Variants in GKAP1 observed in about 807,000 individuals in gnomAD.
GKAP1 encodes G kinase anchoring protein 1.
In GKAP1, 31 loss-of-function variants were observed where a neutral mutation model predicts 56.7. The ratio of observed to expected loss-of-function variants is 0.55; its 90% CI spans 0.41 to 0.74. The LOEUF is 0.74. GKAP1 is among the 30% of genes least tolerant of loss of function. GKAP1 has a pLI of 0.00. For synonymous variants in GKAP1, 151 were observed against 138.6 expected, an observed-to-expected ratio of 1.09 and a Z score of -0.63; for missense variants, 364 against 402.3, an observed-to-expected ratio of 0.90 and a Z score of 0.82.
At chr9:83,759,747 T>G (rs990251761) in intron 8 of GKAP1, among the ~76,000 whole-genome samples, 3 of 152,196 alleles carry the variant, frequency 2.0e-5, no homozygotes, top group Non-Finnish European at 1.5e-5. Flanking sequence ...ACATTCCCAC[T>G]AGTGGTATGT....
intron 8 of GKAP1, among the ~76,000 whole-genome samples, chr9:83,767,820 G>A (rs1943689694): frequency 6.6e-6 from 1 of 152,096 alleles, no homozygotes; most frequent in African/African-American, 2.4e-5. Flanking sequence ...CCACGTAGCT[G>A]AGATTATAGG....
At chr9:83,773,251 C>T (rs1260608821) in intron 7 of GKAP1, among the ~76,000 whole-genome samples, 1 of 152,146 alleles carries the variant, frequency 6.6e-6, no homozygotes, top group Non-Finnish European at 1.5e-5. Context: ...AAACATTATG[C>T]TAAGTGAAAG....
At chr9:83,757,939 G>A (rs1298747818) in intron 8 of GKAP1, among the ~76,000 whole-genome samples, 1 of 152,048 alleles carries the variant, frequency 6.6e-6, no homozygotes, top group African/African-American at 2.4e-5. Context: ...GGTATGGAGA[G>A]GAAGATGATG....
At position 83,806,564 on chromosome 9, in the gene GKAP1, TG is replaced by T. The variant is rs758239382; in HGVS notation, c.-43-5del. Reference sequence around the variant, plus strand: ...ATACTTCTGTCAAGAATAATTTCTGTGGGGAGGCAGAAGAGTAGGCAGATGG... The same window carrying T: ...ATACTTCTGTCAAGAATAATTTCTGTGGGAGGCAGAAGAGTAGGCAGATGG... On this transcript the variant is annotated splice_region_variant and splice_polypyrimidine_tract_variant and intron_variant, in intron 2 of 12. Coordinates refer to ENST00000376371, the MANE Select transcript of GKAP1 (RefSeq NM_025211.4). 6.5e-6 allele frequency: 10 copies of T among 1,541,646 alleles called. No homozygotes were observed. The East Asian group carries it at 6.9e-5, about 11-fold the overall frequency.
chr9:83,772,285 T>G (rs1336546178), intron 7 of GKAP1, among the ~76,000 whole-genome samples: 1 of 152,184 alleles, frequency 6.6e-6, no homozygotes, highest in Non-Finnish European at 1.5e-5. Flanking sequence ...AGAATCTAGA[T>G]ATGAGCCTTC....
chr9:83,739,824 A>C, intron 12 of GKAP1, 80 bp from the exon 13 acceptor site: 1 of 1,133,196 alleles, frequency 8.8e-7, no homozygotes, highest in Non-Finnish European at 1.3e-6. Context: ...ATATAGACCA[A>C]AGGCATCTTG....
chr9:83,782,831 C>CCTA (rs1254975084), intron 6 of GKAP1, among the ~76,000 whole-genome samples: 1 of 150,044 alleles, frequency 6.7e-6, no homozygotes, highest in East Asian at 2.0e-4. Context: ...CACACGCCCA[C>CCTA]CTACTCTTTG....
At chr9:83,793,032 T>C (rs1446512901) in intron 4 of GKAP1, 3 of 1,267,404 alleles carry the variant, frequency 2.4e-6, no homozygotes, top group Admixed American at 2.4e-5. Context: ...TAGTAAAACA[T>C]TTTTTCTTCT....
chr9:83,797,271 A>G (rs942619353), intron 4 of GKAP1, among the ~76,000 whole-genome samples: 2 of 152,304 alleles, frequency 1.3e-5, no homozygotes, highest in East Asian at 3.9e-4. Context: ...TAAGTTTTCC[A>G]TGTCCAGCTT....
intron 9 of GKAP1, among the ~76,000 whole-genome samples, chr9:83,750,828 T>C (rs1311727111): frequency 1.3e-5 from 2 of 152,256 alleles, no homozygotes; most frequent in South Asian, 2.1e-4. Context: ...TTTAATGCCC[T>C]CTCTATTTTA....
At chr9:83,743,967 G>T (rs1355979699) in intron 10 of GKAP1, among the ~76,000 whole-genome samples, 2 of 152,120 alleles carry the variant, frequency 1.3e-5, no homozygotes, top group Non-Finnish European at 2.9e-5. Context: ...AGGTAAAATT[G>T]TAATAAAATT....
At chr9:83,790,659 A>T (rs1002664722) in intron 4 of GKAP1, among the ~76,000 whole-genome samples, 1 of 151,994 alleles carries the variant, frequency 6.6e-6, no homozygotes. Flanking sequence ...CAAACAAACA[A>T]AAAAACAGCC....
chr9:83,776,767 C>G (rs1366845813), intron 7 of GKAP1, among the ~76,000 whole-genome samples: 1 of 152,074 alleles, frequency 6.6e-6, no homozygotes, highest in Non-Finnish European at 1.5e-5. Context: ...ATTTTTTTAG[C>G]GTATTTTTCT....
rs535271690 is a variant in GKAP1 at position 83,789,661 on chromosome 9, A to G, written c.361-983T>C. Among the ~76,000 whole-genome samples the G allele has an allele frequency of 4.4e-4, 67 of 152,332 alleles. 2 individuals are homozygous for G. In the South Asian group the frequency reaches 0.013, roughly 29 times the overall value. ...ATAATTCTGTACACTAAGCACTACC[A>G]TACCACACAAACACCCAAGCTATCA... is the stretch of plus-strand genomic sequence containing the variant. On this transcript the variant is annotated intron_variant, in intron 4 of 12. Transcript: ENST00000376371.
At chr9:83,815,351 A>G (rs1944567537) in intron 2 of GKAP1, among the ~76,000 whole-genome samples, 1 of 151,662 alleles carries the variant, frequency 6.6e-6, no homozygotes, top group African/African-American at 2.4e-5. Context: ...AGCTCAAGCA[A>G]TCCTCCAGCC....
intron 8 of GKAP1, among the ~76,000 whole-genome samples, chr9:83,755,315 T>C (rs530483749): frequency 6.6e-6 from 1 of 152,286 alleles, no homozygotes; most frequent in South Asian, 2.1e-4. Flanking sequence ...AATGGTGATA[T>C]AGAGCTATAA....
chr9:83,779,446 T>TACACACACACACACACACACACAC (rs1451197767), intron 7 of GKAP1, among the ~76,000 whole-genome samples: 3 of 118,000 alleles, frequency 2.5e-5, no homozygotes, highest in East Asian at 2.6e-4. Flanking sequence ...TATATATATA[T>TACACACACACACACACACACACAC]ATACACACAC....
chr9:83,761,315 G>C (rs1191488636), intron 8 of GKAP1, among the ~76,000 whole-genome samples: 2 of 151,974 alleles, frequency 1.3e-5, no homozygotes, highest in African/African-American at 2.4e-5. Context: ...CAATAAATTG[G>C]AAAATCTAGA....
intron 7 of GKAP1, among the ~76,000 whole-genome samples, chr9:83,773,295 C>A (rs1414320367): frequency 6.6e-6 from 1 of 152,042 alleles, no homozygotes; most frequent in South Asian, 2.1e-4. Context: ...TTCTATGAGT[C>A]CATTATAGGT....
Sources: allele counts gnomAD v4.1 joint callset (sites outside exome capture counted in the v4.1 genomes callset), GRCh38; gene constraint gnomAD v4.1.1; transcripts MANE v1.5; gene names NCBI Gene and HGNC (gene_info 2026-07-23, HGNC 2026-07-21).